JMJD1C: variants seen among roughly 807,000 people sequenced by gnomAD.
The protein encoded by JMJD1C is jumonji domain-containing protein 1C.
A neutral mutation model predicts 245.3 loss-of-function variants in JMJD1C; 31 were observed. The observed-to-expected ratio is 0.13, with a 90% CI of 0.09 to 0.17. The LOEUF (loss-of-function observed/expected upper bound fraction) is 0.17, where lower values mean the gene tolerates loss of function less well. Among genes scored for constraint, JMJD1C ranks in the 10% least tolerant of loss-of-function variants. JMJD1C has a pLI of 1.00. For synonymous variants in JMJD1C, 1,057 were observed against 1,017.4 expected (o/e 1.04, Z -0.74); for missense variants, 2,691 against 3,000.2 (o/e 0.90, Z 2.41).
At chr10:63,312,844 A>G (rs1433619347) in intron 2 of JMJD1C, among the ~76,000 whole-genome samples, 2 of 152,248 alleles carry the variant, frequency 1.3e-5, no homozygotes, top group Non-Finnish European at 2.9e-5. Flanking sequence ...AATTATACTT[A>G]GAATTGATTA....
chr10:63,254,288 G>C (rs72829198), intron 3 of JMJD1C, among the ~76,000 whole-genome samples: 2 of 152,108 alleles, frequency 1.3e-5, no homozygotes, highest in African/African-American at 4.8e-5. Context: ...CCTGCCGAGG[G>C]AACAAATGAA....
chr10:63,319,688 G>A (rs1280861750), intron 2 of JMJD1C, among the ~76,000 whole-genome samples: 2 of 151,852 alleles, frequency 1.3e-5, no homozygotes, highest in Non-Finnish European at 2.9e-5. Context: ...TTTTATCCCC[G>A]TGAAATATTC....
At chr10:63,229,996 G>A in intron 3 of JMJD1C, among the ~76,000 whole-genome samples, 1 of 152,166 alleles carries the variant, frequency 6.6e-6, no homozygotes, top group East Asian at 1.9e-4. Context: ...AGTGGAATTG[G>A]TAACTTGAAG....
intron 1 of JMJD1C, among the ~76,000 whole-genome samples, chr10:63,421,982 CA>C (rs1950152128): frequency 6.6e-6 from 1 of 152,094 alleles, no homozygotes; most frequent in Non-Finnish European, 1.5e-5. Flanking sequence ...GCAACCCTAG[CA>C]AACTAATACA....
chr10:63,240,585 A>G (rs1023693771), intron 3 of JMJD1C, among the ~76,000 whole-genome samples: 7 of 152,328 alleles, frequency 4.6e-5, no homozygotes, highest in African/African-American at 1.7e-4. Context: ...AAATATAGAT[A>G]TAACGGTTCA....
rs1238425079 is a variant in JMJD1C at position 63,214,204 on chromosome 10, A to G, written c.1963T>C (p.Ser655Pro). 1 of 1,614,052 alleles carries G rather than the reference A, an allele frequency of 6.2e-7. No homozygotes were observed. Among genetic ancestry groups the G allele is most frequent in the South Asian group, 1.1e-5 (1 of 91,088 alleles). ...ACATAAGTGGCCTTAGACTTTACAG[A>G]ATCAGGAGAATGAGTTATTTTGGGT... Reference protein sequence around the residue: ...VKPKITHSPDSVKSKATYVNS... With the variant: ...VKPKITHSPDPVKSKATYVNS... Residue 655 changes from serine (S) to proline (P), a missense_variant, in exon 8 of 26, where the codon TCT (serine) becomes CCT (proline). This residue lies in a region of JMJD1C where 1,562 missense variants were observed against 1,490.7 expected (regional missense o/e 1.05). Transcript: ENST00000399262.
At chr10:63,358,037 T>A (rs1428231426) in intron 2 of JMJD1C, among the ~76,000 whole-genome samples, 1 of 151,974 alleles carries the variant, frequency 6.6e-6, no homozygotes, top group East Asian at 1.9e-4. Flanking sequence ...ACACCCTTCA[T>A]ATTTAAATGG....
chr10:63,214,500 G>C lies in JMJD1C; in HGVS notation c.1667C>G (p.Thr556Arg), dbSNP rs374005036. Residue 556 changes from threonine to arginine, a missense_variant, in exon 8 of 26, where the codon ACA (threonine) becomes AGA (arginine). Around this residue, in one of 9 missense-constraint regions of JMJD1C, gnomAD observed 1,562 missense variants for 1,490.7 expected, o/e 1.05. Coordinates refer to ENST00000399262, the MANE Select transcript of JMJD1C (RefSeq NM_032776.3). ...GCTCTGGTCAGAATCTTTTTTTGCT[G>C]TTTCCAAGAATTTTGCATTTGCAAT... is the stretch of plus-strand genomic sequence containing the variant. ...HSIANAKFLETAKKDSDQSWV... is the reference protein window; with the variant it reads ...HSIANAKFLERAKKDSDQSWV... 6 of 1,613,488 alleles carry C rather than the reference G, an allele frequency of 3.7e-6. No homozygotes were observed. The highest frequency in any genetic ancestry group is 5.1e-6 in the Non-Finnish European group (6 of 1,179,844).
intron 2 of JMJD1C, among the ~76,000 whole-genome samples, chr10:63,367,704 A>G (rs1390462981): frequency 6.6e-6 from 1 of 152,246 alleles, no homozygotes; most frequent in African/African-American, 2.4e-5. Context: ...AAATGCTTTT[A>G]AATGGATAAA....
intron 2 of JMJD1C, among the ~76,000 whole-genome samples, chr10:63,270,837 A>T (rs1332728139): frequency 6.6e-6 from 1 of 152,194 alleles, no homozygotes; most frequent in Non-Finnish European, 1.5e-5. Flanking sequence ...CTACTCAATA[A>T]ATCAAAGAGC....
intron 2 of JMJD1C, among the ~76,000 whole-genome samples, chr10:63,352,659 AT>A (rs1406440292): frequency 9.8e-5 from 13 of 132,542 alleles, no homozygotes; most frequent in African/African-American, 2.6e-4. Context: ...AAAAAAAAAA[AT>A]TTAAACTGGA....
intron 1 of JMJD1C, among the ~76,000 whole-genome samples, chr10:63,428,990 G>C (rs1276041017): frequency 4.6e-5 from 7 of 151,992 alleles, no homozygotes. Flanking sequence ...CTTTTGGTGG[G>C]GGGGAGGGGC....
chr10:63,305,031 C>A (rs150015864), intron 2 of JMJD1C, among the ~76,000 whole-genome samples: 4 of 152,006 alleles, frequency 2.6e-5, no homozygotes, highest in African/African-American at 9.7e-5. Context: ...CCCAGTGACT[C>A]GGGAGGCTGA....
chr10:63,352,114 A>G (rs1306122225), intron 2 of JMJD1C, among the ~76,000 whole-genome samples: 3 of 152,212 alleles, frequency 2.0e-5, no homozygotes, highest in Non-Finnish European at 4.4e-5. Context: ...AAACAAAAAA[A>G]TTTTAGACAT....
chr10:63,175,610 T>G (rs1393254107), intron 24 of JMJD1C, among the ~76,000 whole-genome samples: 1 of 152,188 alleles, frequency 6.6e-6, no homozygotes, highest in Admixed American at 6.5e-5. Context: ...TCTCAATTAC[T>G]TAGCAGTGGA....
intron 1 of JMJD1C, among the ~76,000 whole-genome samples, chr10:63,388,518 T>C (rs1947803929): frequency 6.6e-6 from 1 of 152,136 alleles, no homozygotes. Flanking sequence ...GAATGGTATC[T>C]ATCATCATGA....
intron 2 of JMJD1C, among the ~76,000 whole-genome samples, chr10:63,375,322 G>A (rs568284688): frequency 1.3e-5 from 2 of 151,182 alleles, no homozygotes; most frequent in Non-Finnish European, 2.9e-5. Flanking sequence ...AAGTAGCTAG[G>A]ACTACAGGCT....
At chr10:63,370,654 ATCT>A (rs1946238951) in intron 2 of JMJD1C, among the ~76,000 whole-genome samples, 1 of 152,166 alleles carries the variant, frequency 6.6e-6, no homozygotes, top group South Asian at 2.1e-4. Flanking sequence ...GCCTTAAATA[ATCT>A]TCATTATATT....
chr10:63,383,346 T>C (rs1424769766), intron 1 of JMJD1C, among the ~76,000 whole-genome samples: 2 of 152,064 alleles, frequency 1.3e-5, no homozygotes, highest in Admixed American at 6.6e-5. Flanking sequence ...TAACTATCCA[T>C]ACCAAGTCAA....
Sources: allele counts gnomAD v4.1 joint callset (sites outside exome capture counted in the v4.1 genomes callset), GRCh38; gene constraint gnomAD v4.1.1; regional missense constraint gnomAD v4.1.1; transcripts MANE v1.5; gene names NCBI Gene and HGNC (gene_info 2026-07-23, HGNC 2026-07-21).